MAP2K5: variants seen among roughly 807,000 people sequenced by gnomAD.
MAP2K5 encodes the protein mitogen-activated protein kinase kinase 5.
MAP2K5 carries 49 observed loss-of-function variants against 83.1 expected under a neutral mutation model. The observed-to-expected ratio is 0.59, with a 90% CI of 0.47 to 0.75. MAP2K5 has a LOEUF of 0.75. Among genes scored for constraint, MAP2K5 ranks in the 30% least tolerant of loss-of-function variants. MAP2K5 has a pLI of 0.00. For synonymous variants in MAP2K5, 202 were observed against 191.8 expected (o/e 1.05, Z -0.44); for missense variants, 457 against 557.5 (o/e 0.82, Z 1.82).
intron 17 of MAP2K5, among the ~76,000 whole-genome samples, chr15:67,737,238 G>A (rs973148823): frequency 1.3e-5 from 2 of 152,158 alleles, no homozygotes; most frequent in Non-Finnish European, 2.9e-5. Context: ...ATGGATCCCT[G>A]GGGGGAGAAT....
Position 67,652,310 on chromosome 15 carries a change from T to C in MAP2K5, c.736+5841T>C, listed in dbSNP as rs1351666563. Among the ~76,000 whole-genome samples, 1 of 152,214 alleles carries C rather than the reference T, an allele frequency of 6.6e-6. No individual in the cohort carries two copies. The highest frequency in any genetic ancestry group is 1.5e-5 in the Non-Finnish European group (1 of 68,030). On this transcript the variant is annotated intron_variant, in intron 11 of 21. Coordinates refer to ENST00000178640, the MANE Select transcript of MAP2K5 (RefSeq NM_145160.3). The surrounding 1 kb of genome is among the most constrained non-coding windows in gnomAD (Gnocchi z 4.2). ...GATATTAGTCCATCTTGTGTTGCTA[T>C]AAAGGAATACCTGAGACTGGGTAAT...
At chr15:67,632,685 T>C (rs982179992) in intron 9 of MAP2K5, among the ~76,000 whole-genome samples, 1 of 152,220 alleles carries the variant, frequency 6.6e-6, no homozygotes, top group Admixed American at 6.5e-5. Flanking sequence ...CAGTGAGAAA[T>C]TGATCTCTTT....
At chr15:67,739,059 C>T (rs955320424) in intron 17 of MAP2K5, among the ~76,000 whole-genome samples, 1 of 152,072 alleles carries the variant, frequency 6.6e-6, no homozygotes. Context: ...GCAGGAGACT[C>T]ACGTGAGCCC....
intron 21 of MAP2K5, among the ~76,000 whole-genome samples, chr15:67,799,123 C>G (rs981205011): frequency 6.6e-6 from 1 of 152,214 alleles, no homozygotes; most frequent in Admixed American, 6.5e-5. Flanking sequence ...GAGCCGAGAT[C>G]GCGCCACTGC....
chr15:67,566,706 C>G lies in MAP2K5; in HGVS notation c.252+3356C>G, dbSNP rs111925190. Among the ~76,000 whole-genome samples the G allele has an allele frequency of 4.8e-3, 738 of 152,276 alleles. 12 individuals carry two copies. Among genetic ancestry groups the G allele is most frequent in the African/African-American group, 0.017 (700 of 41,546 alleles). ...AAACTTGAAGAATTACTTTTTCCCCCTCTTGGATGCAGGCATTTTCTGGCT... is the reference window on the plus strand; with the variant it reads ...AAACTTGAAGAATTACTTTTTCCCCGTCTTGGATGCAGGCATTTTCTGGCT... On this transcript the variant is annotated intron_variant, in intron 3 of 21. Transcript: ENST00000178640.
chr15:67,574,169 T>C (rs1485802921), intron 3 of MAP2K5, among the ~76,000 whole-genome samples: 1 of 152,168 alleles, frequency 6.6e-6, no homozygotes, highest in African/African-American at 2.4e-5. Flanking sequence ...GTAGAGAATT[T>C]ATGAAGCGTG....
rs930626534 is a variant in MAP2K5, at chr15:67,552,833, T to C, written c.184+2751T>C. ...GTCTCTCAGCTGTTAAGTGGTAAAG[T>C]GGAATTTCTGGAGTAGTTTCCAGAG... On this transcript the variant is annotated intron_variant, in intron 2 of 21. Transcript: ENST00000178640. This position sits in a 1 kb window ranked among gnomAD's most constrained non-coding sequence, Gnocchi z 4.2. Among the ~76,000 whole-genome samples, 3 of 152,162 alleles carry C rather than the reference T, an allele frequency of 2.0e-5. No homozygotes were observed. The highest frequency in any genetic ancestry group is 7.2e-5 in the African/African-American group (3 of 41,434).
chr15:67,635,261 G>A (rs1443512257), intron 9 of MAP2K5, among the ~76,000 whole-genome samples: 1 of 146,550 alleles, frequency 6.8e-6, no homozygotes. Flanking sequence ...TCTCGGCTCC[G>A]CCTCCTGGGT....
intron 9 of MAP2K5, among the ~76,000 whole-genome samples, chr15:67,645,156 A>AGCAAGGG (rs1365344322): frequency 7.1e-6 from 1 of 140,662 alleles, no homozygotes; most frequent in Admixed American, 7.1e-5. Flanking sequence ...TGGGTAACAG[A>AGCAAGGG]GCAAGACTCT....
intron 9 of MAP2K5, among the ~76,000 whole-genome samples, chr15:67,642,825 G>C (rs567350907): frequency 8.5e-5 from 13 of 152,170 alleles, no homozygotes; most frequent in Non-Finnish European, 1.5e-5. Flanking sequence ...TTGATCAAGG[G>C]AATGATATAT....
rs372605328 is a variant in MAP2K5, at chr15:67,690,070, TG to T, written c.848-2407del. Reference sequence around the variant, plus strand: ...AGCTATTGTTAGTGTATTTTATATGTGGTCCAAGACAGTTCTTCTTCCAATG... The same window carrying T: ...AGCTATTGTTAGTGTATTTTATATGTGTCCAAGACAGTTCTTCTTCCAATG... On this transcript the variant is annotated intron_variant, in intron 13 of 21. Coordinates refer to ENST00000178640, the MANE Select transcript of MAP2K5 (RefSeq NM_145160.3). This position sits in a 1 kb window ranked among gnomAD's most constrained non-coding sequence, Gnocchi z 4.3. Among the ~76,000 whole-genome samples, 66 of 152,332 alleles carry T rather than the reference TG, an allele frequency of 4.3e-4. No homozygotes were observed. In the East Asian group the frequency reaches 0.011, roughly 26 times the overall value.
rs944370181 is a variant in MAP2K5 at position 67,782,724 on chromosome 15, C to T, written c.1242+9972C>T. Among the ~76,000 whole-genome samples the T allele has an allele frequency of 7.2e-5, 11 of 152,268 alleles. No homozygotes were observed. The highest frequency in any genetic ancestry group is 1.3e-4 in the Non-Finnish European group (9 of 68,020). ...CTTTTTTTTTAAGCCACAGCTTTGC[C>T]TCTGGAATACTCTCGCTCTAACTCT... On this transcript the variant is annotated intron_variant, in intron 21 of 21. Coordinates refer to ENST00000178640, the MANE Select transcript of MAP2K5 (RefSeq NM_145160.3). The surrounding 1 kb of genome is among the most constrained non-coding windows in gnomAD (Gnocchi z 4.9).
chr15:67,770,021 A>G lies in MAP2K5; in HGVS notation c.1196+358A>G, dbSNP rs1412897002. ...AGCTTATTTTTATTAATGTAACCTCAAGTTACCCATAAAACTGTCTTGTCA... is the reference window on the plus strand; with the variant it reads ...AGCTTATTTTTATTAATGTAACCTCGAGTTACCCATAAAACTGTCTTGTCA... On this transcript the variant is annotated intron_variant, in intron 20 of 21. Transcript: ENST00000178640. This position sits in a 1 kb window ranked among gnomAD's most constrained non-coding sequence, Gnocchi z 5.0. 5.9e-6 allele frequency: 1 copy of G among 168,926 alleles called. No homozygotes were observed. The highest frequency in any genetic ancestry group is 1.3e-5 in the Non-Finnish European group (1 of 79,604). 10.5% of individuals were successfully genotyped at this position (168,926 alleles called of 1,614,324 possible). A position where few individuals can be genotyped will look rare whatever the true frequency, so the allele number is the denominator to read the frequency against.
intron 11 of MAP2K5, among the ~76,000 whole-genome samples, chr15:67,653,594 C>T (rs2087001166): frequency 6.6e-6 from 1 of 152,014 alleles, no homozygotes; most frequent in Non-Finnish European, 1.5e-5. Context: ...CCACACCCAG[C>T]TAAAAAAAAT....
rs1014453422 is a variant in MAP2K5, at chr15:67,757,058, G to A, written c.1134+8457G>A. Among the ~76,000 whole-genome samples the A allele has an allele frequency of 4.6e-5, 7 of 151,862 alleles. No individual in the cohort carries two copies. Among genetic ancestry groups the A allele is most frequent in the South Asian group, 2.1e-4 (1 of 4,788 alleles). On this transcript the variant is annotated intron_variant, in intron 19 of 21. Coordinates refer to ENST00000178640, the MANE Select transcript of MAP2K5 (RefSeq NM_145160.3). The surrounding 1 kb of genome is among the most constrained non-coding windows in gnomAD (Gnocchi z 4.9). ...GATTTATTTCCTTTAGATATACACC[G>A]AGAAGTTGGATTACTGAATCATAGC...
chr15:67,565,890 G>A lies in MAP2K5; in HGVS notation c.252+2540G>A, dbSNP rs970973740. ...CTCCCAAGGTGCTGGAATTACAGGC[G>A]TGAGCCAAGGTGCCTGGCCAGGTTG... On this transcript the variant is annotated intron_variant, in intron 3 of 21. Transcript: ENST00000178640. This position sits in a 1 kb window ranked among gnomAD's most constrained non-coding sequence, Gnocchi z 4.1. 1.1e-4 allele frequency among the ~76,000 whole-genome samples: 16 copies of A among 152,276 alleles called. No individual in the cohort carries two copies. Among genetic ancestry groups the A allele is most frequent in the Non-Finnish European group, 1.6e-4 (11 of 68,010 alleles).
At chr15:67,633,001 A>C (rs2084790289) in intron 9 of MAP2K5, among the ~76,000 whole-genome samples, 1 of 152,220 alleles carries the variant, frequency 6.6e-6, no homozygotes, top group Non-Finnish European at 1.5e-5. Context: ...GGTCCATAGA[A>C]TTGTAGAACT....
chr15:67,611,304 A>G (rs1293489358), intron 8 of MAP2K5, among the ~76,000 whole-genome samples: 3 of 152,216 alleles, frequency 2.0e-5, no homozygotes, highest in Non-Finnish European at 4.4e-5. Context: ...AATTTTTACC[A>G]TAGACACATG....
chr15:67,657,230 C>T (rs762277102), intron 11 of MAP2K5, among the ~76,000 whole-genome samples: 73 of 151,936 alleles, frequency 4.8e-4, no homozygotes, highest in Non-Finnish European at 8.1e-4. Context: ...TTAATTAGGC[C>T]CTGATTTATA....
Sources: allele counts gnomAD v4.1 joint callset (sites outside exome capture counted in the v4.1 genomes callset), GRCh38; gene constraint gnomAD v4.1.1; non-coding constraint Gnocchi (gnomAD v3.1); transcripts MANE v1.5; gene names NCBI Gene and HGNC (gene_info 2026-07-23, HGNC 2026-07-21).